The following HELZ variants were observed in gnomAD, a reference collection of about 807,000 sequenced individuals.
The protein encoded by HELZ is helicase with zinc finger, also known as ATP-dependent RNA helicase with zinc finger domain.
A neutral mutation model predicts 218.2 loss-of-function variants in HELZ; 23 were observed. That is an observed-to-expected ratio of 0.11 (90% CI 0.08 to 0.15). The LOEUF (loss-of-function observed/expected upper bound fraction) is 0.15, where lower values mean the gene tolerates loss of function less well. Ranked by LOEUF, HELZ falls within the 10% of genes least tolerant of loss-of-function variation. The probability of loss-of-function intolerance (pLI) is 1.00; values close to 1 mark genes in which losing one functional copy is unlikely to be tolerated. For synonymous variants in HELZ, 814 were observed against 829.4 expected (o/e 0.98, Z 0.32); for missense variants, 1,813 against 2,353.7 (o/e 0.77, Z 4.75).
chr17:67,239,095 C>T (rs898588156), intron 3 of HELZ, among the ~76,000 whole-genome samples: 16 of 152,284 alleles, frequency 1.1e-4, no homozygotes, highest in East Asian at 5.8e-4. Flanking sequence ...ACAAAGTAAT[C>T]GCCACTCAAG....
intron 20 of HELZ, among the ~76,000 whole-genome samples, chr17:67,147,854 G>A (rs775970398): frequency 1.9e-4 from 29 of 152,174 alleles, no homozygotes; most frequent in Non-Finnish European, 3.1e-4. Context: ...AACTGGGTTC[G>A]AAAGCCTCTA....
chr17:67,139,334 G>T (rs1195378598), intron 21 of HELZ, among the ~76,000 whole-genome samples: 1 of 152,062 alleles, frequency 6.6e-6, no homozygotes, highest in South Asian at 2.1e-4. Context: ...TCACTATCAG[G>T]AAACAGAGTA....
intron 21 of HELZ, among the ~76,000 whole-genome samples, chr17:67,144,364 C>T (rs1207633968): frequency 1.3e-5 from 2 of 151,652 alleles, no homozygotes; most frequent in Non-Finnish European, 2.9e-5. Flanking sequence ...GTCTCAACAA[C>T]CATGCTCTGG....
rs762683015 is a variant in HELZ at position 67,167,810 on chromosome 17, A to C, written c.1431-14T>G. The C allele has an allele frequency of 6.5e-7, 1 of 1,532,168 alleles. No homozygotes were observed. The highest frequency in any genetic ancestry group is 8.9e-7 in the Non-Finnish European group (1 of 1,123,144). The allele number at this position is 1,532,168 out of a possible 1,614,324, so 94.9% of individuals were successfully genotyped here. On this transcript the variant is annotated splice_polypyrimidine_tract_variant and intron_variant, in intron 13 of 32. Transcript: ENST00000358691. ...TTAAGGTTGAACCTAAACCAGAAGT[A>C]GAAAACTAGTTTGAATATTTTACAT...
Position 67,190,288 on chromosome 17 carries a change from C to T in HELZ, c.625G>A (p.Ala209Thr), listed in dbSNP as rs1179500854. Residue 209 changes from alanine (A) to threonine (T), a missense_variant, in exon 10 of 33, where the codon GCA (alanine) becomes ACA (threonine). Transcript: ENST00000358691. The stretch of plus-strand genomic sequence containing the variant: ...GAAGCATATCTTTTCTGCCATTCTG[C>T]TAGTTCTTCCTGGGAATGTGCTGAA... ...CTSAHSQEEL[A>T]EWQKRYASRL... The T allele has an allele frequency of 1.7e-5, 28 of 1,613,946 alleles. No homozygotes were observed. Among genetic ancestry groups the T allele is most frequent in the Non-Finnish European group, 2.3e-5 (27 of 1,179,938 alleles).
chr17:67,189,794 T>C (rs1160401896), intron 10 of HELZ, 98 bp from the exon 11 acceptor site: 12 of 797,204 alleles, frequency 1.5e-5, no homozygotes, highest in Non-Finnish European at 2.6e-5. Flanking sequence ...AAGATGATGA[T>C]GGAACTGTTT....
At chr17:67,146,150 G>A (rs1034730642) in intron 20 of HELZ, among the ~76,000 whole-genome samples, 4 of 152,098 alleles carry the variant, frequency 2.6e-5, no homozygotes, top group Admixed American at 2.6e-4. Flanking sequence ...TTCAATACAA[G>A]ATGAGACTTT....
Position 67,123,159 on chromosome 17 carries a change from A to G in HELZ, c.3441T>C (p.Val1147=). 3.1e-6 allele frequency: 5 copies of G among 1,603,028 alleles called. No homozygotes were observed. Among genetic ancestry groups the G allele is most frequent in the Non-Finnish European group, 4.3e-6 (5 of 1,172,226 alleles). The change falls in exon 26 of 33, where the codon GTT becomes GTC. Residue 1147 remains valine (V), a splice_region_variant and synonymous_variant. Coordinates refer to ENST00000358691, the MANE Select transcript of HELZ (RefSeq NM_014877.4). ...QNDHFQNDGI[V]QPNPSVLIGN... is the part of the protein sequence containing the mutation. ...CAATAAGTACAGAAGGATTGGGCTG[A>G]ACTGAAAAATAAACAGAAAAAGGAT...
At chr17:67,189,777 A>G (rs2039847274) in intron 10 of HELZ, 81 bp from the exon 11 acceptor site, 1 of 898,900 alleles carries the variant, frequency 1.1e-6, no homozygotes, top group Non-Finnish European at 1.8e-6. Context: ...AATAAATGTC[A>G]ACAGTTAAGA....
chr17:67,104,480 A>C (rs2037035650), intron 31 of HELZ, among the ~76,000 whole-genome samples: 1 of 151,888 alleles, frequency 6.6e-6, no homozygotes, highest in African/African-American at 2.4e-5. Flanking sequence ...ATGTAAAAGT[A>C]CATCTTTGCC....
chr17:67,108,465 G>A lies in HELZ; in HGVS notation c.4724+27C>T, dbSNP rs1272853039. On this transcript the variant is annotated intron_variant, in intron 30 of 32. Transcript: ENST00000358691. The surrounding 1 kb of genome is among the most constrained non-coding windows in gnomAD (Gnocchi z 4.1). ...AGAACAGTGAGGGGGTCGCATTCCA[G>A]GGGCTATTTTCAGTCCGCTGGAATA... 1.3e-6 allele frequency: 2 copies of A among 1,556,138 alleles called. No individual in the cohort carries two copies. Among genetic ancestry groups the A allele is most frequent in the South Asian group, 1.1e-5 (1 of 89,732 alleles).
intron 5 of HELZ, among the ~76,000 whole-genome samples, chr17:67,204,814 G>A (rs2040255342): frequency 6.6e-6 from 1 of 151,986 alleles, no homozygotes; most frequent in South Asian, 2.1e-4. Context: ...CCAATAAGGA[G>A]TTATCAAGTG....
chr17:67,168,324 A>G (rs759812564), intron 13 of HELZ, among the ~76,000 whole-genome samples: 38 of 152,322 alleles, frequency 2.5e-4, no homozygotes, highest in Non-Finnish European at 2.2e-4. Context: ...TAAGTTACAT[A>G]AAGATACAAG....
intron 15 of HELZ, among the ~76,000 whole-genome samples, chr17:67,164,996 T>C (rs115848562): frequency 2.1e-3 from 322 of 152,152 alleles, no homozygotes; most frequent in African/African-American, 7.4e-3. Flanking sequence ...ATAGTCCGGG[T>C]CTAAAAGCAG....
chr17:67,123,203 T>C (rs753676750), intron 25 of HELZ, 43 bp from the exon 26 acceptor site: 57 of 1,165,820 alleles, frequency 4.9e-5, no homozygotes, highest in Middle Eastern at 2.0e-4. Context: ...CAGCTGTACA[T>C]AGTCATCCAG....
intron 31 of HELZ, among the ~76,000 whole-genome samples, chr17:67,101,104 C>T (rs377405330): frequency 1.5e-4 from 20 of 130,258 alleles, no homozygotes; most frequent in Admixed American, 8.1e-5. Context: ...AGCGAGACTC[C>T]GTCTCAGAAA....
intron 21 of HELZ, among the ~76,000 whole-genome samples, chr17:67,142,337 T>C (rs1758422401): frequency 6.6e-6 from 1 of 151,890 alleles, no homozygotes. Flanking sequence ...CCAAACTCCA[T>C]CTCTACAAAA....
At chr17:67,122,901 G>C (rs1405778788) in intron 26 of HELZ, 69 bp downstream of exon 26, 1 of 1,171,198 alleles carries the variant, frequency 8.5e-7, no homozygotes, top group African/African-American at 1.5e-5. Context: ...ATGCTATTTG[G>C]GATTAGAACC....
intron 17 of HELZ, among the ~76,000 whole-genome samples, chr17:67,154,032 T>C (rs1351396197): frequency 6.6e-6 from 1 of 152,252 alleles, no homozygotes; most frequent in Admixed American, 6.5e-5. Flanking sequence ...TGTCTCTTAC[T>C]TTGTATTAAT....
Sources: gnomAD v4.1 joint callset for allele counts (sites outside exome capture counted in the v4.1 genomes callset) on GRCh38, gnomAD v4.1.1 for gene constraint, Gnocchi (gnomAD v3.1) non-coding constraint, MANE v1.5 for transcripts, NCBI Gene and HGNC (gene_info 2026-07-23, HGNC 2026-07-21) for gene names.